Variants in RRN3 observed in about 807,000 individuals in gnomAD.
RRN3 encodes the protein RNA polymerase I-specific transcription initiation factor RRN3.
A neutral mutation model predicts 82.3 loss-of-function variants in RRN3; 38 were observed. The ratio of observed to expected loss-of-function variants is 0.46; its 90% CI spans 0.36 to 0.61. RRN3 has a LOEUF of 0.61. RRN3 is among the 20% of genes least tolerant of loss of function. The probability of loss-of-function intolerance (pLI) is 0.00; values close to 1 mark genes in which losing one functional copy is unlikely to be tolerated. For missense variants in RRN3, 726 were observed against 793.1 expected, an observed-to-expected ratio of 0.92 and a Z score of 1.02; for synonymous variants, 284 against 284.3, an observed-to-expected ratio of 1.00 and a Z score of 0.01.
intron 15 of RRN3, among the ~76,000 whole-genome samples, chr16:15,067,020 CTT>C (rs1245053838): frequency 6.7e-6 from 1 of 148,984 alleles, no homozygotes; most frequent in East Asian, 2.0e-4. Flanking sequence ...CATCCTCACT[CTT>C]TGAGCTGCTC....
At position 15,093,902 on chromosome 16, in the gene RRN3, G is replaced by A. The variant is rs1285949264; in HGVS notation, c.89+243C>T. ...GCAGTACCCAGGCCTGGGAAATCAC[G>A]AAGAGACACAGTCGGGAAAGGGGGC... On this transcript the variant is annotated intron_variant, in intron 1 of 17. Transcript: ENST00000198767. 60 of 531,768 alleles carry A rather than the reference G, an allele frequency of 1.1e-4. No homozygotes were observed. In the Middle Eastern group the frequency reaches 1.4e-3, roughly 13 times the overall value. 32.9% of individuals were successfully genotyped at this position (531,768 alleles called of 1,614,324 possible). A position where few individuals can be genotyped will look rare whatever the true frequency, so the allele number is the denominator to read the frequency against.
At chr16:15,078,891 A>C (rs1384546709) in intron 9 of RRN3, among the ~76,000 whole-genome samples, 1 of 149,288 alleles carries the variant, frequency 6.7e-6, no homozygotes. Context: ...GGCTCACTGC[A>C]AGCTCCACCT....
chr16:15,084,680 A>C lies in RRN3; in HGVS notation c.558T>G (p.Cys186Trp). 2 of 1,613,186 alleles carry C rather than the reference A, an allele frequency of 1.2e-6. No homozygotes were observed. The highest frequency in any genetic ancestry group is 1.7e-6 in the Non-Finnish European group (2 of 1,179,148). Residue 186 changes from cysteine (C) to tryptophan (W), a missense_variant, in exon 7 of 18, where the codon TGT (cysteine) becomes TGG (tryptophan). By Grantham distance (215) the Cys-to-Trp change is radical. Around this residue, in one of 4 missense-constraint regions of RRN3, gnomAD observed 344 missense variants for 394.5 expected, o/e 0.87. Coordinates refer to ENST00000198767, the MANE Select transcript of RRN3 (RefSeq NM_018427.5). ...TTGCTATTATTTGCAAGGCTCTGTG[A>C]CATGTGTCAAAATTTGCAGGAAGAT... Reference protein sequence around the residue: ...DDNLPANFDTCHRALQIIARY... With the variant: ...DDNLPANFDTWHRALQIIARY...
At chr16:15,083,194 T>A (rs2045774440) in intron 8 of RRN3, among the ~76,000 whole-genome samples, 1 of 152,084 alleles carries the variant, frequency 6.6e-6, no homozygotes, top group South Asian at 2.1e-4. Flanking sequence ...AGGTCAGGCG[T>A]TCGATACCAG....
intron 3 of RRN3, among the ~76,000 whole-genome samples, chr16:15,089,612 AAC>A: frequency 6.6e-6 from 1 of 151,432 alleles, no homozygotes; most frequent in South Asian, 2.1e-4. Flanking sequence ...CATCCTGGCT[AAC>A]ATGGTGAAAC....
chr16:15,061,202 T>G lies in RRN3; in HGVS notation c.*542A>C, dbSNP rs148719001. On this transcript the variant is annotated 3_prime_UTR_variant, in exon 18 of 18. Coordinates refer to ENST00000198767, the MANE Select transcript of RRN3 (RefSeq NM_018427.5). Reference sequence around the variant, plus strand: ...GGGCCAGCTCTCAGCTTTCCTTCTGTCTTCTCTACACTCCCTTGAAATCCC... The same window carrying G: ...GGGCCAGCTCTCAGCTTTCCTTCTGGCTTCTCTACACTCCCTTGAAATCCC... 6.6e-6 allele frequency: 1 copy of G among 152,400 alleles called. No individual in the cohort carries two copies. The highest frequency in any genetic ancestry group is 1.9e-4 in the East Asian group (1 of 5,188). The allele number at this position is 152,400 out of a possible 1,614,324, so 9.4% of individuals were successfully genotyped here.
At chr16:15,072,552 A>G (rs1411643869) in intron 12 of RRN3, among the ~76,000 whole-genome samples, 1 of 152,106 alleles carries the variant, frequency 6.6e-6, no homozygotes, top group Non-Finnish European at 1.5e-5. Context: ...CTGTAATCCC[A>G]ACGCTTTGCG....
At chr16:15,078,814 T>C (rs1353291806) in intron 9 of RRN3, among the ~76,000 whole-genome samples, 1 of 22,964 alleles carries the variant, frequency 4.4e-5, no homozygotes, top group Non-Finnish European at 2.1e-4. Flanking sequence ...ATTTTTTTCT[T>C]TTTTTTTTTT....
At chr16:15,065,425 G>C in intron 15 of RRN3, 54 bp from the exon 16 acceptor site, 1 of 1,531,500 alleles carries the variant, frequency 6.5e-7, no homozygotes, top group Non-Finnish European at 8.9e-7. Flanking sequence ...GGAGTGACTC[G>C]GTGCAGATGT....
At chr16:15,080,867 G>GT (rs926784868) in intron 8 of RRN3, among the ~76,000 whole-genome samples, 12 of 151,438 alleles carry the variant, frequency 7.9e-5, no homozygotes, top group African/African-American at 2.9e-4. Context: ...TATAATACAT[G>GT]TTTTTAGGGT....
intron 7 of RRN3, 122 bp downstream of exon 7, chr16:15,084,520 A>G (rs1305946420): frequency 1.5e-6 from 1 of 658,144 alleles, no homozygotes; most frequent in Non-Finnish European, 2.6e-6. Flanking sequence ...CCTCAAGTGG[A>G]TACAAAAAAA....
chr16:15,073,484 C>G (rs745970360), intron 11 of RRN3, among the ~76,000 whole-genome samples: 1 of 152,134 alleles, frequency 6.6e-6, no homozygotes, highest in African/African-American at 2.4e-5. Context: ...CAGACATTAT[C>G]CATTAAAATA....
At chr16:15,087,825 G>T (rs1340909499) in intron 3 of RRN3, among the ~76,000 whole-genome samples, 1 of 152,134 alleles carries the variant, frequency 6.6e-6, no homozygotes, top group Non-Finnish European at 1.5e-5. Context: ...ATTTTTAAAA[G>T]TAAATCAGGC....
At chr16:15,069,365 G>C (rs2045124210) in intron 14 of RRN3, among the ~76,000 whole-genome samples, 1 of 152,170 alleles carries the variant, frequency 6.6e-6, no homozygotes. Context: ...TTTAGAGGAA[G>C]TGACCCACAA....
At chr16:15,084,309 C>T (rs1029418198) in intron 7 of RRN3, among the ~76,000 whole-genome samples, 2 of 87,460 alleles carry the variant, frequency 2.3e-5, no homozygotes, top group South Asian at 4.0e-4. Flanking sequence ...CTTAGAAGTG[C>T]AATTTTTATT....
chr16:15,069,973 C>T, intron 14 of RRN3, 97 bp downstream of exon 14: 3 of 1,437,160 alleles, frequency 2.1e-6, no homozygotes, highest in South Asian at 1.3e-5. Context: ...TTTCTGAATC[C>T]AGTTTTTATA....
chr16:15,071,290 G>A, intron 12 of RRN3, 39 bp from the exon 13 acceptor site: 1 of 1,545,024 alleles, frequency 6.5e-7, no homozygotes, highest in Non-Finnish European at 8.7e-7. Flanking sequence ...CTTTTTTAAT[G>A]CCTAAGATAA....
intron 7 of RRN3, among the ~76,000 whole-genome samples, chr16:15,084,037 T>C (rs567731039): frequency 4.6e-5 from 7 of 152,324 alleles, no homozygotes; most frequent in African/African-American, 1.7e-4. Context: ...TTACAATGTA[T>C]AGCTTCTGAG....
chr16:15,087,309 A>G (rs888724478), intron 3 of RRN3, among the ~76,000 whole-genome samples: 3 of 152,206 alleles, frequency 2.0e-5, no homozygotes, highest in African/African-American at 7.2e-5. Flanking sequence ...TCTTCTTCTA[A>G]TCCTAAAAAC....
Sources: allele counts gnomAD v4.1 joint callset (sites outside exome capture counted in the v4.1 genomes callset), GRCh38; gene constraint gnomAD v4.1.1; regional missense constraint gnomAD v4.1.1; transcripts MANE v1.5; gene names NCBI Gene and HGNC (gene_info 2026-07-23, HGNC 2026-07-21).